Variants in TRIM3 observed in about 807,000 individuals in gnomAD.
TRIM3 encodes tripartite motif containing 3.
TRIM3 carries 13 observed loss-of-function variants against 66.6 expected under a neutral mutation model. That is an observed-to-expected ratio of 0.20 (90% confidence interval 0.13 to 0.31). The LOEUF (loss-of-function observed/expected upper bound fraction) is 0.31, where lower values mean the gene tolerates loss of function less well. Among genes scored for constraint, TRIM3 ranks in the 10% least tolerant of loss-of-function variants. The probability of loss-of-function intolerance (pLI) is 1.00; values close to 1 mark genes in which losing one functional copy is unlikely to be tolerated. For missense variants in TRIM3, 711 were observed against 1,020.4 expected (o/e 0.70, Z 4.13); for synonymous variants, 406 against 411.7 (o/e 0.99, Z 0.17).
Position 6,457,434 on chromosome 11 carries a change from G to A in TRIM3, c.558C>T (p.Ile186=). ...LSAAIALVGG[I]SQQLQERKAE... ...CCTTGCGCTCCTGCAGCTGCTGGCTGATGCCCCCGACTAAGGCAATTGCTG... is the reference window on the plus strand; with the variant it reads ...CCTTGCGCTCCTGCAGCTGCTGGCTAATGCCCCCGACTAAGGCAATTGCTG... The change falls in exon 5 of 12, where the codon ATC becomes ATT. Residue 186 remains isoleucine (I), a synonymous_variant. Coordinates refer to ENST00000345851, the MANE Select transcript of TRIM3 (RefSeq NM_033278.4). This position sits in a 1 kb window ranked among gnomAD's most constrained non-coding sequence, Gnocchi z 4.5. 1 of 1,613,396 alleles carries A rather than the reference G, an allele frequency of 6.2e-7. No homozygotes were observed. The highest frequency in any genetic ancestry group is 8.5e-7 in the Non-Finnish European group (1 of 1,180,038).
At chr11:6,464,264 C>G (rs1850355334) in intron 2 of TRIM3, among the ~76,000 whole-genome samples, 2 of 152,212 alleles carry the variant, frequency 1.3e-5, no homozygotes, top group Admixed American at 6.5e-5. Flanking sequence ...TCACTCTGCT[C>G]TAGCCCTACC....
intron 1 of TRIM3, among the ~76,000 whole-genome samples, chr11:6,472,877 C>T (rs1158961791): frequency 2.0e-5 from 3 of 152,212 alleles, no homozygotes; most frequent in Non-Finnish European, 1.5e-5. Flanking sequence ...GATTCCAATT[C>T]TGCAGCAAAT....
Position 6,458,330 on chromosome 11 carries a change from G to A in TRIM3, c.132-34C>T. ...GAAGGAGAGTCAAAGAACAGAGTGG[G>A]TGGGGTGGCATAAGTGCACCCTTCC... On this transcript the variant is annotated intron_variant, in intron 2 of 11. Transcript: ENST00000345851. This position sits in a 1 kb window ranked among gnomAD's most constrained non-coding sequence, Gnocchi z 6.2. 6.3e-7 allele frequency: 1 copy of A among 1,576,898 alleles called. No homozygotes were observed.
Position 6,458,344 on chromosome 11 carries a change from G to C in TRIM3, c.132-48C>G. The C allele has an allele frequency of 1.3e-6, 2 of 1,503,120 alleles. No homozygotes were observed. The highest frequency in any genetic ancestry group is 1.8e-6 in the Non-Finnish European group (2 of 1,087,764). 93.1% of individuals were successfully genotyped at this position (1,503,120 alleles called of 1,614,324 possible). A position where few individuals can be genotyped will look rare whatever the true frequency, so the allele number is the denominator to read the frequency against. ...GAACAGAGTGGGTGGGGTGGCATAA[G>C]TGCACCCTTCCTTATACTTCCCATG... On this transcript the variant is annotated intron_variant, in intron 2 of 11. Coordinates refer to ENST00000345851, the MANE Select transcript of TRIM3 (RefSeq NM_033278.4). The surrounding 1 kb of genome is among the most constrained non-coding windows in gnomAD (Gnocchi z 6.2).
In TRIM3 at chr11:6,449,626, G is replaced by A; in HGVS notation, c.1942-180C>T. 2 of 528,718 alleles carry A rather than the reference G, an allele frequency of 3.8e-6. No individual in the cohort carries two copies. The highest frequency in any genetic ancestry group is 6.5e-5 in the South Asian group (2 of 30,856). The allele number at this position is 528,718 out of a possible 1,614,324, so 32.8% of individuals were successfully genotyped here. ...TACTGCCTAGTAGACATCTCTTGCT[G>A]ATGTCCATTGGGAATATCAAATCTA... On this transcript the variant is annotated intron_variant, in intron 10 of 11. Transcript: ENST00000345851. This position sits in a 1 kb window ranked among gnomAD's most constrained non-coding sequence, Gnocchi z 5.3.
Position 6,456,766 on chromosome 11 carries a change from G to C in TRIM3, c.960C>G (p.Ala320=). 6.2e-7 allele frequency: 1 copy of C among 1,611,886 alleles called. No homozygotes were observed. Among genetic ancestry groups the C allele is most frequent in the East Asian group, 2.2e-5 (1 of 44,878 alleles). ...LNLGALLTTS[A]TAHETVATGE... is the part of the protein sequence containing the mutation. ...CCGTGGCCACCGTTTCGTGTGCAGT[G>C]GCGCTCGTGGTGAGCAGTGCGCCCA... Residue 320 remains alanine (A), a synonymous_variant, in exon 6 of 12, where the codon GCC becomes GCG. Coordinates refer to ENST00000345851, the MANE Select transcript of TRIM3 (RefSeq NM_033278.4). This position sits in a 1 kb window ranked among gnomAD's most constrained non-coding sequence, Gnocchi z 6.4.
At chr11:6,465,503 G>T in intron 2 of TRIM3, 62 bp downstream of exon 2, 3 of 1,598,296 alleles carry the variant, frequency 1.9e-6, no homozygotes, top group Non-Finnish European at 2.6e-6. Flanking sequence ...CCCCACAGGG[G>T]AGGAGGATCC....
chr11:6,465,436 C>T, intron 2 of TRIM3, 129 bp downstream of exon 2: 1 of 1,182,646 alleles, frequency 8.5e-7, no homozygotes, highest in South Asian at 1.4e-5. Context: ...ACCTGCTCTC[C>T]TCCCAGGTAA....
chr11:6,458,313 G>A lies in TRIM3; in HGVS notation c.132-17C>T. 6.2e-7 allele frequency: 1 copy of A among 1,600,324 alleles called. No individual in the cohort carries two copies. ...TGGAGACATCTGTCCAGGAAGGAGA[G>A]TCAAAGAACAGAGTGGGTGGGGTGG... is the stretch of plus-strand genomic sequence containing the variant. On this transcript the variant is annotated splice_polypyrimidine_tract_variant and intron_variant, in intron 2 of 11. Transcript: ENST00000345851. This position sits in a 1 kb window ranked among gnomAD's most constrained non-coding sequence, Gnocchi z 6.2.
intron 2 of TRIM3, 66 bp downstream of exon 2, chr11:6,465,499 A>G (rs767757801): frequency 5.4e-5 from 84 of 1,565,972 alleles, no homozygotes; most frequent in Non-Finnish European, 7.2e-5. Context: ...CCCTCCCCAC[A>G]GGGGAGGAGG....
At chr11:6,463,793 G>C (rs1850337751) in intron 2 of TRIM3, among the ~76,000 whole-genome samples, 1 of 152,126 alleles carries the variant, frequency 6.6e-6, no homozygotes, top group Non-Finnish European at 1.5e-5. Context: ...AGGTGGAATG[G>C]GGGACAACCC....
chr11:6,455,414 A>G (rs962711522), intron 7 of TRIM3, among the ~76,000 whole-genome samples: 3 of 152,050 alleles, frequency 2.0e-5, no homozygotes, highest in African/African-American at 7.2e-5. Flanking sequence ...CTAGGCTCTG[A>G]GCTTTTACTA....
At chr11:6,465,420 G>T (rs975879077) in intron 2 of TRIM3, 145 bp downstream of exon 2, 6 of 927,472 alleles carry the variant, frequency 6.5e-6, no homozygotes, top group African/African-American at 1.7e-5. Flanking sequence ...CTGCAGGTTG[G>T]GGTTCACCTG....
At chr11:6,460,946 C>T (rs910176585) in intron 2 of TRIM3, among the ~76,000 whole-genome samples, 8 of 134,308 alleles carry the variant, frequency 6.0e-5, no homozygotes, top group Non-Finnish European at 1.2e-4. Flanking sequence ...TGCTCTGTCA[C>T]CCAGGTGTGA....
chr11:6,455,850 CTCTGGTT>C (rs1273560413), intron 7 of TRIM3, among the ~76,000 whole-genome samples: 11 of 152,182 alleles, frequency 7.2e-5, no homozygotes, highest in Non-Finnish European at 1.3e-4. Context: ...GCATAGTAAA[CTCTGGTT>C]TCTGACTGAA....
In TRIM3 at chr11:6,456,354, T is replaced by G. The variant is rs1849971091; in HGVS notation, c.1372A>C (p.Ser458Arg). The change falls in exon 6 of 12, where the codon AGC becomes CGC. Residue 458 changes from serine to arginine, a missense_variant. Physicochemically the swap from Ser to Arg is moderately radical, Grantham distance 110 (BLOSUM62 -1). Transcript: ENST00000345851. The surrounding 1 kb of genome is among the most constrained non-coding windows in gnomAD (Gnocchi z 6.4). ...TTGTCCTTTCGTTTGCCGCCTGTGC[T>G]GTACATGGAGCTGGGCCTACGCACT... ...KAVRRPSSMY[S>R]TGGKRKDNPI... 6.5e-7 allele frequency: 1 copy of G among 1,539,142 alleles called. No homozygotes were observed. Among genetic ancestry groups the G allele is most frequent in the Non-Finnish European group, 8.8e-7 (1 of 1,140,024 alleles).
chr11:6,464,083 G>C (rs1850349001), intron 2 of TRIM3, among the ~76,000 whole-genome samples: 1 of 152,094 alleles, frequency 6.6e-6, no homozygotes, highest in South Asian at 2.1e-4. Flanking sequence ...TGAGAGATAA[G>C]GGCCCAAGAG....
Position 6,457,311 on chromosome 11 carries a change from A to C in TRIM3, c.681T>G (p.Cys227Trp), listed in dbSNP as rs371126337. Residue 227 changes from cysteine to tryptophan, a missense_variant, in exon 5 of 12, where the codon TGT (cysteine) becomes TGG (tryptophan). Cys to Trp is a radical substitution (Grantham distance 215). Around this residue, in one of 3 missense-constraint regions of TRIM3, gnomAD observed 399 missense variants for 458.1 expected, o/e 0.87. Transcript: ENST00000345851. This position sits in a 1 kb window ranked among gnomAD's most constrained non-coding sequence, Gnocchi z 4.5. Reference protein sequence around the residue: ...QALVSDLETICGAKQKVLQSQ... With the variant: ...QALVSDLETIWGAKQKVLQSQ... ...CAAGACACACCTTCTGTTTGGCCCC[A>C]CAAATGGTCTCCAGGTCGCTGACCA... is the stretch of plus-strand genomic sequence containing the variant. The C allele has an allele frequency of 1.2e-6, 2 of 1,614,016 alleles. No homozygotes were observed. The highest frequency in any genetic ancestry group is 2.7e-5 in the African/African-American group (2 of 74,934).
intron 7 of TRIM3, among the ~76,000 whole-genome samples, chr11:6,455,802 C>G (rs1849938833): frequency 6.6e-6 from 1 of 152,178 alleles, no homozygotes; most frequent in Admixed American, 6.5e-5. Flanking sequence ...CAGGAGCTGA[C>G]CTGCCCTAAG....
Sources: gnomAD v4.1 joint callset for allele counts (sites outside exome capture counted in the v4.1 genomes callset) on GRCh38, gnomAD v4.1.1 for gene constraint, gnomAD v4.1.1 regional missense constraint, Gnocchi (gnomAD v3.1) non-coding constraint, MANE v1.5 for transcripts, NCBI Gene and HGNC (gene_info 2026-07-23, HGNC 2026-07-21) for gene names.